ADGRL2: variants seen among roughly 807,000 people sequenced by gnomAD.
The protein encoded by ADGRL2 is calcium-independent alpha-latrotoxin receptor 2.
A neutral mutation model predicts 157.4 loss-of-function variants in ADGRL2; 44 were observed. The ratio of observed to expected loss-of-function variants is 0.28; its 90% confidence interval spans 0.22 to 0.36. The LOEUF is 0.36. Ranked by LOEUF, ADGRL2 falls within the 10% of genes least tolerant of loss-of-function variation. The pLI is 1.00. For missense variants in ADGRL2, 1,510 were observed against 1,768.9 expected, an observed-to-expected ratio of 0.85 and a Z score of 2.63; for synonymous variants, 585 against 624.7, an observed-to-expected ratio of 0.94 and a Z score of 0.95.
chr1:81,903,812 T>TACACACACAC (rs66880348), intron 2 of ADGRL2, among the ~76,000 whole-genome samples: 2 of 120,528 alleles, frequency 1.7e-5, no homozygotes, highest in Non-Finnish European at 3.3e-5. Flanking sequence ...ACATTTTATA[T>TACACACACAC]ACACACACAC....
At chr1:81,621,733 C>T (rs746067078) in intron 3 of ADGRL2, among the ~76,000 whole-genome samples, 31 of 152,282 alleles carry the variant, frequency 2.0e-4, no homozygotes, top group African/African-American at 6.7e-4. Flanking sequence ...GATTCTTCAT[C>T]GGCAGACCTG....
chr1:81,562,885 T>C (rs1338336798), intron 2 of ADGRL2, among the ~76,000 whole-genome samples: 2 of 152,172 alleles, frequency 1.3e-5, no homozygotes, highest in Non-Finnish European at 2.9e-5. Context: ...ATTTCTATAA[T>C]ATTTCATACA....
intron 1 of ADGRL2, among the ~76,000 whole-genome samples, chr1:81,396,572 T>C (rs2076658814): frequency 6.6e-6 from 1 of 152,192 alleles, no homozygotes; most frequent in African/African-American, 2.4e-5. Flanking sequence ...CCTTGTCATG[T>C]TCAAATTCTT....
intron 2 of ADGRL2, among the ~76,000 whole-genome samples, chr1:81,905,039 A>G (rs2094558559): frequency 6.6e-6 from 1 of 151,340 alleles, no homozygotes; most frequent in Non-Finnish European, 1.5e-5. Flanking sequence ...TAGATTCTGT[A>G]TTGGCAATCT....
intron 1 of ADGRL2, among the ~76,000 whole-genome samples, chr1:81,728,248 A>T (rs970937787): frequency 2.0e-5 from 3 of 152,228 alleles, no homozygotes; most frequent in Admixed American, 1.3e-4. Context: ...AGAAACTTGT[A>T]GCCTGATTTT....
intron 11 of ADGRL2, among the ~76,000 whole-genome samples, chr1:81,962,535 T>A (rs1421525357): frequency 6.6e-6 from 1 of 152,214 alleles, no homozygotes; most frequent in Non-Finnish European, 1.5e-5. Flanking sequence ...CTTGGTATCT[T>A]GTTTAAGAAA....
intron 1 of ADGRL2, among the ~76,000 whole-genome samples, chr1:81,820,421 A>G (rs566986020): frequency 5.3e-4 from 80 of 152,174 alleles, no homozygotes; most frequent in Non-Finnish European, 9.7e-4. Flanking sequence ...ATAAAGCTTC[A>G]TACATGGAAA....
chr1:81,819,292 A>G (rs2090742633), intron 1 of ADGRL2, among the ~76,000 whole-genome samples: 1 of 152,084 alleles, frequency 6.6e-6, no homozygotes. Context: ...GGAGCAAAGA[A>G]TCAAAGCCCA....
intron 17 of ADGRL2, among the ~76,000 whole-genome samples, chr1:81,978,228 A>G (rs952317701): frequency 6.6e-6 from 1 of 151,710 alleles, no homozygotes; most frequent in African/African-American, 2.4e-5. Context: ...CCTCATCCAC[A>G]ATACAATAAG....
At chr1:81,562,284 G>A (rs1298400657) in intron 2 of ADGRL2, among the ~76,000 whole-genome samples, 8 of 152,132 alleles carry the variant, frequency 5.3e-5, no homozygotes, top group Admixed American at 5.2e-4. Flanking sequence ...GCTGAGAAAG[G>A]TGATTTGATT....
At chr1:81,622,043 A>C (rs2081803042) in intron 3 of ADGRL2, among the ~76,000 whole-genome samples, 2 of 152,208 alleles carry the variant, frequency 1.3e-5, no homozygotes. Flanking sequence ...AACATAGCAA[A>C]TGCATCTTAA....
At chr1:81,484,289 C>T (rs932018129) in intron 2 of ADGRL2, among the ~76,000 whole-genome samples, 4 of 152,150 alleles carry the variant, frequency 2.6e-5, no homozygotes, top group Non-Finnish European at 4.4e-5. Context: ...CTAGTTCCAA[C>T]AACTAGTCGG....
chr1:81,781,755 C>A (rs951739855), intron 2 of ADGRL2, among the ~76,000 whole-genome samples: 1 of 152,126 alleles, frequency 6.6e-6, no homozygotes, highest in African/African-American at 2.4e-5. Context: ...TTTTCTTTTC[C>A]TCTGGTTCCT....
At chr1:81,926,618 T>C (rs890624787) in intron 3 of ADGRL2, among the ~76,000 whole-genome samples, 5 of 152,036 alleles carry the variant, frequency 3.3e-5, no homozygotes, top group African/African-American at 1.2e-4. Context: ...TTATTAAAAG[T>C]GAAGGCTTTG....
chr1:81,747,196 C>T (rs12123150), intron 1 of ADGRL2, among the ~76,000 whole-genome samples: 42,964 of 142,896 alleles, frequency 0.3, 6,492 homozygotes, highest in South Asian at 0.4. Flanking sequence ...TGTGTGTATG[C>T]ATGTATATAT....
At chr1:81,705,040 T>C (rs1161529695) in intron 1 of ADGRL2, among the ~76,000 whole-genome samples, 4 of 152,110 alleles carry the variant, frequency 2.6e-5, no homozygotes, top group African/African-American at 9.7e-5. Flanking sequence ...GTTGTTGTTT[T>C]CTTTTAATTT....
In ADGRL2 at chr1:81,436,138, T is replaced by C. The variant is rs540115736; in HGVS notation, c.-301-8898T>C. ...TCATACATCTTCAAAAGGAAAGTAT[T>C]CAGCACTGAAGTTGCATATTGCTGT... On this transcript the variant is annotated intron_variant, in intron 1 of 24. Coordinates refer to the ADGRL2 transcript ENST00000370721. Among the ~76,000 whole-genome samples the C allele has an allele frequency of 5.3e-5, 8 of 152,258 alleles. No homozygotes were observed. The East Asian group carries it at 1.5e-3, about 29-fold the overall frequency.
At chr1:81,502,559 G>C (rs1309721495) in intron 2 of ADGRL2, 5 of 1,614,042 alleles carry the variant, frequency 3.1e-6, no homozygotes, top group East Asian at 4.5e-5. Flanking sequence ...GACCGAGAAG[G>C]GGGGCCTGGT....
At chr1:81,410,627 AG>A (rs1237769400) in intron 1 of ADGRL2, among the ~76,000 whole-genome samples, 2 of 152,234 alleles carry the variant, frequency 1.3e-5, no homozygotes, top group Admixed American at 1.3e-4. Flanking sequence ...TAGCTGTAAC[AG>A]TATTAGGTAA....
Sources: allele counts gnomAD v4.1 joint callset (sites outside exome capture counted in the v4.1 genomes callset), GRCh38; gene constraint gnomAD v4.1.1; transcripts MANE v1.5; gene names NCBI Gene and HGNC (gene_info 2026-07-23, HGNC 2026-07-21).